TMEM135: variants seen among roughly 807,000 people sequenced by gnomAD.
TMEM135 encodes the protein peroxisomal membrane protein 52.
Under a neutral mutation model 60.3 loss-of-function variants are expected in TMEM135, and 30 were observed. The ratio of observed to expected loss-of-function variants is 0.50; its 90% CI spans 0.37 to 0.68. The LOEUF (loss-of-function observed/expected upper bound fraction) is 0.68, where lower values mean the gene tolerates loss of function less well. Ranked by LOEUF, TMEM135 falls within the 30% of genes least tolerant of loss-of-function variation. The pLI, the probability that TMEM135 is intolerant of heterozygous loss-of-function variation, is 0.00. For synonymous variants in TMEM135, 190 were observed against 186.7 expected (o/e 1.02, Z -0.14); for missense variants, 468 against 548.8 (o/e 0.85, Z 1.47).
chr11:87,095,739 G>A (rs1857309878), intron 4 of TMEM135: 2 of 153,070 alleles, frequency 1.3e-5, no homozygotes, highest in African/African-American at 4.8e-5. Flanking sequence ...CACTTTGGAA[G>A]GCTGAGGTGG....
chr11:87,089,542 C>CAAAAAG (rs766452211), intron 3 of TMEM135, among the ~76,000 whole-genome samples: 10 of 149,446 alleles, frequency 6.7e-5, no homozygotes, highest in South Asian at 2.1e-4. Context: ...GATCCTGTCT[C>CAAAAAG]AAAAAGAAAA....
intron 9 of TMEM135, among the ~76,000 whole-genome samples, chr11:87,308,941 A>G (rs2135446975): frequency 6.6e-6 from 1 of 152,244 alleles, no homozygotes; most frequent in East Asian, 1.9e-4. Flanking sequence ...TTTTAGCCCG[A>G]CAGGAATGAA....
intron 4 of TMEM135, among the ~76,000 whole-genome samples, chr11:87,102,728 GTA>G (rs111454491): frequency 0.22 from 31,600 of 145,280 alleles, 4,057 homozygotes; most frequent in East Asian, 0.52. Context: ...ATATATATAT[GTA>G]TATATATATG....
intron 3 of TMEM135, among the ~76,000 whole-genome samples, chr11:87,072,395 T>A (rs1354493349): frequency 6.6e-6 from 1 of 152,206 alleles, no homozygotes; most frequent in African/African-American, 2.4e-5. Context: ...TTATTTATTT[T>A]TCTGAGCCAG....
In TMEM135 at chr11:87,283,207, G is replaced by A. The variant is rs1008820430; in HGVS notation, c.510-12575G>A. Reference sequence around the variant, plus strand: ...AAATTAGCCAGGTGTGGTACCAGGTGCCTGTAATCCCAGCTACTTGGGAGG... The same window carrying A: ...AAATTAGCCAGGTGTGGTACCAGGTACCTGTAATCCCAGCTACTTGGGAGG... On this transcript the variant is annotated intron_variant, in intron 6 of 14. Coordinates refer to ENST00000305494, the MANE Select transcript of TMEM135 (RefSeq NM_022918.4). Among the ~76,000 whole-genome samples, 6 of 151,936 alleles carry A rather than the reference G, an allele frequency of 3.9e-5. No homozygotes were observed. The South Asian group carries it at 1.2e-3, about 32-fold the overall frequency.
intron 4 of TMEM135, among the ~76,000 whole-genome samples, chr11:87,137,724 T>C (rs1938142599): frequency 6.6e-6 from 1 of 151,902 alleles, no homozygotes; most frequent in Non-Finnish European, 1.5e-5. Flanking sequence ...GATAGCATGA[T>C]GGGGGAAAAA....
At chr11:87,112,635 A>T (rs538647854) in intron 4 of TMEM135, among the ~76,000 whole-genome samples, 13 of 152,254 alleles carry the variant, frequency 8.5e-5, no homozygotes, top group Non-Finnish European at 1.8e-4. Context: ...TAATACTAAA[A>T]TGTAAATGTA....
At chr11:87,111,666 A>AAAAAGAAAAAG (rs1555105253) in intron 4 of TMEM135, among the ~76,000 whole-genome samples, 81 of 130,956 alleles carry the variant, frequency 6.2e-4, no homozygotes, top group Admixed American at 1.0e-3. Flanking sequence ...AAAAAAAAAA[A>AAAAAGAAAAAG]AAAAAGAAAA....
chr11:87,281,589 T>G (rs372756126), intron 6 of TMEM135, among the ~76,000 whole-genome samples: 10 of 152,230 alleles, frequency 6.6e-5, no homozygotes, highest in East Asian at 5.8e-4. Flanking sequence ...CAAATACAGT[T>G]GATCTTCAAC....
chr11:87,169,255 A>G (rs1939160863), intron 5 of TMEM135, among the ~76,000 whole-genome samples: 1 of 145,484 alleles, frequency 6.9e-6, no homozygotes, highest in Admixed American at 7.0e-5. Context: ...CTCTTTATCT[A>G]GTTTGCCAGT....
intron 5 of TMEM135, among the ~76,000 whole-genome samples, chr11:87,161,365 GC>G (rs1160421855): frequency 1.3e-5 from 2 of 152,068 alleles, no homozygotes; most frequent in African/African-American, 4.8e-5. Flanking sequence ...TCTGTCTTCT[GC>G]CTTCTGGGTG....
chr11:87,189,423 A>G (rs1939744417), intron 5 of TMEM135, among the ~76,000 whole-genome samples: 1 of 152,076 alleles, frequency 6.6e-6, no homozygotes, highest in Admixed American at 6.6e-5. Context: ...AGGCTCCCAG[A>G]TTGTTGGGAT....
intron 1 of TMEM135, among the ~76,000 whole-genome samples, chr11:87,040,103 T>G (rs968926444): frequency 2.6e-5 from 4 of 152,348 alleles, no homozygotes; most frequent in South Asian, 2.1e-4. Context: ...TCCTCGGTAG[T>G]TGTGAAATAA....
chr11:87,201,757 G>A (rs1444842847), intron 5 of TMEM135, among the ~76,000 whole-genome samples: 1 of 151,998 alleles, frequency 6.6e-6, no homozygotes, highest in African/African-American at 2.4e-5. Context: ...TCTATAATAA[G>A]TAGAATGAAA....
chr11:87,158,637 A>G (rs1938771729), intron 5 of TMEM135, among the ~76,000 whole-genome samples: 1 of 150,902 alleles, frequency 6.6e-6, no homozygotes, highest in African/African-American at 2.4e-5. Context: ...AATTTTTTGT[A>G]TTTTTTTTAC....
chr11:87,283,378 G>A (rs563424811), intron 6 of TMEM135, among the ~76,000 whole-genome samples: 1 of 151,438 alleles, frequency 6.6e-6, no homozygotes, highest in South Asian at 2.1e-4. Context: ...GTTTGGAAAA[G>A]CTTACAAAAT....
intron 6 of TMEM135, among the ~76,000 whole-genome samples, chr11:87,242,359 A>C (rs942004300): frequency 6.0e-5 from 9 of 150,888 alleles, no homozygotes; most frequent in Non-Finnish European, 1.3e-4. Flanking sequence ...TCCTTTGGGT[A>C]TATACCCAGT....
chr11:87,261,181 A>G (rs1436146530), intron 6 of TMEM135, among the ~76,000 whole-genome samples: 4 of 152,198 alleles, frequency 2.6e-5, no homozygotes, highest in Non-Finnish European at 5.9e-5. Context: ...ATAGCTATTC[A>G]TATAATTACT....
At chr11:87,213,355 T>A (rs983633790) in intron 5 of TMEM135, among the ~76,000 whole-genome samples, 1 of 152,158 alleles carries the variant, frequency 6.6e-6, no homozygotes, top group African/African-American at 2.4e-5. Context: ...GATTTTGTTT[T>A]GGCAGTGTAT....
Sources: gnomAD v4.1 joint callset for allele counts (sites outside exome capture counted in the v4.1 genomes callset) on GRCh38, gnomAD v4.1.1 for gene constraint, MANE v1.5 for transcripts, NCBI Gene and HGNC (gene_info 2026-07-23, HGNC 2026-07-21) for gene names.